Variants in CHD7 observed in about 807,000 individuals in gnomAD.
CHD7 encodes ATP-dependent chromatin remodeler CHD7.
Under a neutral mutation model 307.3 loss-of-function variants are expected in CHD7, and 24 were observed. The observed-to-expected ratio is 0.08, with a 90% confidence interval of 0.06 to 0.11. The LOEUF (loss-of-function observed/expected upper bound fraction) is 0.11. Among genes scored for constraint, CHD7 ranks in the 10% least tolerant of loss-of-function variants. The pLI is 1.00. For missense variants in CHD7, 3,106 were observed against 3,727.1 expected (o/e 0.83, Z 4.34); for synonymous variants, 1,363 against 1,349.9 (o/e 1.01, Z -0.21).
At chr8:60,731,829 CT>C (rs1414352745) in intron 1 of CHD7, among the ~76,000 whole-genome samples, 1 of 152,154 alleles carries the variant, frequency 6.6e-6, no homozygotes, top group African/African-American at 2.4e-5. Flanking sequence ...GTTTGAACTC[CT>C]GTTTGTATTG....
At position 60,808,075 on chromosome 8, in the gene CHD7, C is replaced by G. The variant is rs551893153; in HGVS notation, c.2443-142C>G. 102 of 646,956 alleles carry G rather than the reference C, an allele frequency of 1.6e-4. No homozygotes were observed. In the African/African-American group the frequency reaches 1.8e-3, roughly 11 times the overall value. The allele number at this position is 646,956 out of a possible 1,614,324, so 40.1% of individuals were successfully genotyped here. A position where few individuals can be genotyped will look rare whatever the true frequency, so the allele number is the denominator to read the frequency against. ...CTTCGTGGCCCTGGCCACCTCCCAG[C>G]ACACGGTGTGCTCATCTTACGTGAA... On this transcript the variant is annotated intron_variant, in intron 6 of 37. Transcript: ENST00000423902.
intron 34 of CHD7, among the ~76,000 whole-genome samples, chr8:60,858,127 G>A (rs1805797480): frequency 6.6e-6 from 1 of 152,194 alleles, no homozygotes; most frequent in African/African-American, 2.4e-5. Flanking sequence ...CTGGTAGCAC[G>A]TGTCTGTGAT....
chr8:60,828,518 A>T (rs1404159023), intron 13 of CHD7, 145 bp from the exon 14 acceptor site: 5 of 700,350 alleles, frequency 7.1e-6, no homozygotes, highest in Non-Finnish European at 1.2e-5. Context: ...TCGTGTTCTA[A>T]TACCTCTGTT....
In CHD7 at chr8:60,710,360, A is replaced by G. The variant is rs571794232; in HGVS notation, c.-174-30899A>G. 3.0e-4 allele frequency among the ~76,000 whole-genome samples: 46 copies of G among 152,282 alleles called. No homozygotes were observed. The South Asian group carries it at 8.1e-3, about 27-fold the overall frequency. On this transcript the variant is annotated intron_variant, in intron 1 of 37. Transcript: ENST00000423902. The stretch of plus-strand genomic sequence containing the variant: ...ATAGAGGGCAGATGCCATGCCTGCA[A>G]TGCACACAGTTATGTACGGTGTCGA...
chr8:60,780,772 G>A (rs1403838343), intron 2 of CHD7, among the ~76,000 whole-genome samples: 1 of 151,992 alleles, frequency 6.6e-6, no homozygotes, highest in African/African-American at 2.4e-5. Flanking sequence ...TTTTTTTACT[G>A]TATTAACTAA....
chr8:60,841,881 A>C lies in CHD7; in HGVS notation c.4679A>C (p.Lys1560Thr). 6.2e-7 allele frequency: 1 copy of C among 1,609,488 alleles called. No individual in the cohort carries two copies. Among genetic ancestry groups the C allele is most frequent in the Non-Finnish European group, 8.5e-7 (1 of 1,177,484 alleles). The change falls in exon 21 of 38, where the codon AAG becomes ACG. Residue 1560 changes from lysine (K) to threonine (T), a missense_variant. Coordinates refer to ENST00000423902, the MANE Select transcript of CHD7 (RefSeq NM_017780.4). The stretch of plus-strand genomic sequence containing the variant: ...GTTATTGATACTCCAAGAGTGAGAA[A>C]GCAGACCAGGCTCTACAGTGCAGTG... ...NLVIDTPRVR[K>T]QTRLYSAVKE... is the part of the protein sequence containing the mutation.
At chr8:60,711,807 T>G (rs1177032219) in intron 1 of CHD7, among the ~76,000 whole-genome samples, 1 of 152,254 alleles carries the variant, frequency 6.6e-6, no homozygotes, top group South Asian at 2.1e-4. Context: ...CATTGTAGAT[T>G]GAGACGCTTT....
intron 3 of CHD7, among the ~76,000 whole-genome samples, chr8:60,788,264 T>A (rs1488138493): frequency 1.3e-5 from 2 of 151,862 alleles, no homozygotes; most frequent in African/African-American, 4.8e-5. Context: ...TCTTTTTTTT[T>A]ATTTTTATTT....
In CHD7 at chr8:60,679,030, C is replaced by G. The variant is rs1294450581; in HGVS notation, c.-227C>G. 1 of 150,952 alleles carries G rather than the reference C, an allele frequency of 6.6e-6. No individual in the cohort carries two copies. The highest frequency in any genetic ancestry group is 6.6e-5 in the Admixed American group (1 of 15,138). 9.4% of individuals were successfully genotyped at this position (150,952 alleles called of 1,614,324 possible). On this transcript the variant is annotated 5_prime_UTR_variant, in exon 1 of 38. Transcript: ENST00000423902. ...TGCCGAGCCAACTCCGGAGCCCGCTCTGCGTTTTGTTTTCCCCTCGGCACT... is the reference window on the plus strand; with the variant it reads ...TGCCGAGCCAACTCCGGAGCCCGCTGTGCGTTTTGTTTTCCCCTCGGCACT...
intron 25 of CHD7, among the ~76,000 whole-genome samples, chr8:60,849,863 G>A (rs748507477): frequency 6.6e-6 from 1 of 152,168 alleles, no homozygotes; most frequent in Non-Finnish European, 1.5e-5. Context: ...ATGTACTGCA[G>A]CCACATTTTG....
chr8:60,794,145 G>A (rs1811903493), intron 3 of CHD7, among the ~76,000 whole-genome samples: 1 of 151,966 alleles, frequency 6.6e-6, no homozygotes, highest in Non-Finnish European at 1.5e-5. Flanking sequence ...AAAAACTGGA[G>A]CTGATTTGGA....
At chr8:60,828,886 A>G (rs1236196247) in intron 14 of CHD7, 80 bp downstream of exon 14, 9 of 1,329,532 alleles carry the variant, frequency 6.8e-6, no homozygotes, top group Non-Finnish European at 9.5e-6. Context: ...AAGTTATTTT[A>G]AAGTGTGATT....
chr8:60,803,983 G>A (rs2150715554), intron 6 of CHD7, among the ~76,000 whole-genome samples: 1 of 152,276 alleles, frequency 6.6e-6, no homozygotes, highest in Middle Eastern at 3.4e-3. Flanking sequence ...GCATGGTGTT[G>A]ACCCAGAGTG....
intron 32 of CHD7, 45 bp from the exon 33 acceptor site, chr8:60,855,930 C>T: frequency 7.5e-7 from 1 of 1,330,066 alleles, no homozygotes; most frequent in Non-Finnish European, 1.1e-6. Flanking sequence ...GTAATTTTAA[C>T]CAGGGCTTTG....
chr8:60,733,082 A>C (rs1808533475), intron 1 of CHD7, among the ~76,000 whole-genome samples: 1 of 151,952 alleles, frequency 6.6e-6, no homozygotes, highest in Non-Finnish European at 1.5e-5. Context: ...GGAAAAAAAA[A>C]AAATTAGCTG....
chr8:60,824,054 A>G, intron 13 of CHD7, 38 bp downstream of exon 13: 1 of 1,573,750 alleles, frequency 6.4e-7, no homozygotes, highest in Non-Finnish European at 8.7e-7. Context: ...GAACCTGAAT[A>G]GAATTGTTGC....
intron 3 of CHD7, among the ~76,000 whole-genome samples, chr8:60,792,201 A>G (rs966003649): frequency 7.2e-5 from 11 of 152,192 alleles, no homozygotes; most frequent in Non-Finnish European, 1.0e-4. Flanking sequence ...GCTCATATCC[A>G]CCATTCTAGA....
rs373124404 is a variant in CHD7, at chr8:60,801,508, G to A, written c.2377-20G>A. The A allele has an allele frequency of 6.5e-7, 1 of 1,548,120 alleles. No individual in the cohort carries two copies. Among genetic ancestry groups the A allele is most frequent in the Non-Finnish European group, 8.8e-7 (1 of 1,140,206 alleles). On this transcript the variant is annotated intron_variant, in intron 5 of 37. Transcript: ENST00000423902. ...TGAGATGTTTTCTATTTGGATTGATGCACATGCCTTTTTTTTTAGGAATCT... is the reference window on the plus strand; with the variant it reads ...TGAGATGTTTTCTATTTGGATTGATACACATGCCTTTTTTTTTAGGAATCT...
At chr8:60,744,162 T>C (rs1809200813) in intron 2 of CHD7, among the ~76,000 whole-genome samples, 1 of 152,142 alleles carries the variant, frequency 6.6e-6, no homozygotes, top group Non-Finnish European at 1.5e-5. Flanking sequence ...TGGGGGATGG[T>C]TTGCTAAACA....
Sources: allele counts gnomAD v4.1 joint callset (sites outside exome capture counted in the v4.1 genomes callset), GRCh38; gene constraint gnomAD v4.1.1; transcripts MANE v1.5; gene names NCBI Gene and HGNC (gene_info 2026-07-23, HGNC 2026-07-21).